NGEF: variants seen among roughly 807,000 people sequenced by gnomAD.
NGEF encodes the protein ephexin-1.
NGEF carries 31 observed loss-of-function variants against 80.9 expected under a neutral mutation model. That is an observed-to-expected ratio of 0.38 (90% CI 0.29 to 0.52). The LOEUF (loss-of-function observed/expected upper bound fraction) is 0.52, where lower values mean the gene tolerates loss of function less well. Ranked by LOEUF, NGEF falls within the 20% of genes least tolerant of loss-of-function variation. The pLI is 0.84. For synonymous variants in NGEF, 371 were observed against 370.2 expected (o/e 1.00, Z -0.03); for missense variants, 709 against 926.2 (o/e 0.77, Z 3.04).
intron 3 of NGEF, among the ~76,000 whole-genome samples, chr2:232,964,408 T>C (rs1023807065): frequency 6.6e-6 from 1 of 152,072 alleles, no homozygotes; most frequent in African/African-American, 2.4e-5. Flanking sequence ...AAAGAATAAT[T>C]TGGGCCGGGC....
chr2:232,934,979 GCCTGGGCA>G (rs1693299634), intron 3 of NGEF, among the ~76,000 whole-genome samples: 2 of 151,686 alleles, frequency 1.3e-5, no homozygotes, highest in South Asian at 4.2e-4. Flanking sequence ...CTGCACTCCA[GCCTGGGCA>G]ACAGAGTGAG....
At chr2:232,940,176 C>T (rs1693409028) in intron 3 of NGEF, among the ~76,000 whole-genome samples, 1 of 152,150 alleles carries the variant, frequency 6.6e-6, no homozygotes, top group Non-Finnish European at 1.5e-5. Context: ...TAGTTTTTCA[C>T]TATGATTAAT....
chr2:232,934,974 C>T (rs1323882016), intron 3 of NGEF, among the ~76,000 whole-genome samples: 1 of 151,302 alleles, frequency 6.6e-6, no homozygotes, highest in East Asian at 1.9e-4. Flanking sequence ...CACTACTGCA[C>T]TCCAGCCTGG....
intron 3 of NGEF, among the ~76,000 whole-genome samples, chr2:232,933,296 G>A (rs1343531338): frequency 6.6e-6 from 1 of 151,860 alleles, no homozygotes; most frequent in African/African-American, 2.4e-5. Context: ...CTAAAATTCA[G>A]CATAACTGAC....
chr2:232,985,238 T>A (rs1473430234), intron 1 of NGEF, among the ~76,000 whole-genome samples: 1 of 152,230 alleles, frequency 6.6e-6, no homozygotes, highest in East Asian at 1.9e-4. Flanking sequence ...CTTGAGTTAA[T>A]CCCAGTTCCC....
At chr2:232,884,169 C>T (rs2106214881) in intron 10 of NGEF, 25 bp from the exon 11 acceptor site, 2 of 1,558,912 alleles carry the variant, frequency 1.3e-6, no homozygotes, top group Non-Finnish European at 1.7e-6. Context: ...GGGCATCAGG[C>T]AGGCTGTGCC....
intron 1 of NGEF, among the ~76,000 whole-genome samples, chr2:232,997,809 G>A (rs1426486966): frequency 6.6e-6 from 1 of 152,142 alleles, no homozygotes; most frequent in Non-Finnish European, 1.5e-5. Context: ...TGATGGCTCT[G>A]TTTAGATGGC....
intron 1 of NGEF, among the ~76,000 whole-genome samples, chr2:232,984,371 T>C (rs1200869366): frequency 6.6e-6 from 1 of 152,070 alleles, no homozygotes; most frequent in Non-Finnish European, 1.5e-5. Context: ...GAATTACTGG[T>C]GTAAACCATT....
At chr2:232,976,310 G>C (rs1694292272) in intron 1 of NGEF, among the ~76,000 whole-genome samples, 1 of 152,112 alleles carries the variant, frequency 6.6e-6, no homozygotes, top group South Asian at 2.1e-4. Context: ...TTGTGAAATG[G>C]GGAGCATGGA....
intron 3 of NGEF, among the ~76,000 whole-genome samples, chr2:232,940,175 A>C (rs1307750195): frequency 2.6e-5 from 4 of 152,176 alleles, no homozygotes; most frequent in African/African-American, 9.7e-5. Context: ...ATAGTTTTTC[A>C]CTATGATTAA....
chr2:232,951,127 C>T (rs985865118), intron 3 of NGEF, among the ~76,000 whole-genome samples: 7 of 152,144 alleles, frequency 4.6e-5, no homozygotes, highest in Non-Finnish European at 8.8e-5. Context: ...GTGCCACTGC[C>T]CCATTTTGTG....
chr2:232,922,112 G>C (rs976179819), intron 4 of NGEF, among the ~76,000 whole-genome samples: 4 of 152,172 alleles, frequency 2.6e-5, no homozygotes, highest in African/African-American at 9.7e-5. Flanking sequence ...GTCTAACTAT[G>C]AGACAAAGAT....
In NGEF at chr2:232,879,431, C is replaced by T. The variant is rs1038871076; in HGVS notation, c.*58G>A. The T allele has an allele frequency of 1.1e-5, 16 of 1,408,540 alleles. No individual in the cohort carries two copies. The highest frequency in any genetic ancestry group is 8.6e-5 in the African/African-American group (6 of 70,116). 87.3% of individuals were successfully genotyped at this position (1,408,540 alleles called of 1,614,324 possible). The stretch of plus-strand genomic sequence containing the variant: ...CTGTGCTTCCCAGAGCCCCCCCCCC[C>T]CCACCTTCTGTCGGGGTCTCATGCA... On this transcript the variant is annotated 3_prime_UTR_variant, in exon 15 of 15. Transcript: ENST00000264051.
chr2:232,952,659 T>C (rs1180425542), intron 3 of NGEF, among the ~76,000 whole-genome samples: 2 of 152,096 alleles, frequency 1.3e-5, no homozygotes, highest in Admixed American at 1.3e-4. Context: ...CTGTCTTGAA[T>C]AATCTACCTT....
chr2:232,897,860 C>T (rs1048049687), intron 5 of NGEF, among the ~76,000 whole-genome samples: 1 of 152,258 alleles, frequency 6.6e-6, no homozygotes, highest in African/African-American at 2.4e-5. Context: ...GAGACAGCGA[C>T]GGTCAGAGAC....
intron 3 of NGEF, among the ~76,000 whole-genome samples, chr2:232,927,416 C>G (rs1010479293): frequency 6.6e-5 from 10 of 152,224 alleles, no homozygotes; most frequent in African/African-American, 2.4e-4. Context: ...CACACCAGCC[C>G]GCCCAAACCT....
chr2:233,001,626 T>C (rs1268311603), intron 1 of NGEF, among the ~76,000 whole-genome samples: 1 of 152,222 alleles, frequency 6.6e-6, no homozygotes, highest in East Asian at 1.9e-4. Context: ...AGGATTTCTA[T>C]GCTGGCTTGG....
intron 1 of NGEF, among the ~76,000 whole-genome samples, chr2:232,975,266 G>T (rs1228543572): frequency 6.6e-6 from 1 of 152,150 alleles, no homozygotes. Context: ...AGAGAAAAAG[G>T]GTGGCAGAAA....
At chr2:232,963,297 A>G (rs915328159) in intron 3 of NGEF, among the ~76,000 whole-genome samples, 3 of 151,948 alleles carry the variant, frequency 2.0e-5, no homozygotes, top group Non-Finnish European at 4.4e-5. Context: ...TCTTTGATGG[A>G]ACAGAAAACT....
Sources: allele counts gnomAD v4.1 joint callset (sites outside exome capture counted in the v4.1 genomes callset), GRCh38; gene constraint gnomAD v4.1.1; transcripts MANE v1.5; gene names NCBI Gene and HGNC (gene_info 2026-07-23, HGNC 2026-07-21).